The following CDH20 variants were observed in gnomAD, a reference collection of about 807,000 sequenced individuals.
CDH20 encodes the protein cadherin 20, also known as cadherin-20.
CDH20 carries 29 observed loss-of-function variants against 74.2 expected under a neutral mutation model. The ratio of observed to expected loss-of-function variants is 0.39; its 90% CI spans 0.29 to 0.53. CDH20 has a LOEUF of 0.53. CDH20 is among the 20% of genes least tolerant of loss of function. The pLI is 0.69. For synonymous variants in CDH20, 469 were observed against 405.4 expected, an observed-to-expected ratio of 1.16 and a Z score of -1.88; for missense variants, 988 against 1,048.3, an observed-to-expected ratio of 0.94 and a Z score of 0.79.
At chr18:61,535,765 G>A (rs1410374503) in intron 7 of CDH20, among the ~76,000 whole-genome samples, 2 of 152,164 alleles carry the variant, frequency 1.3e-5, no homozygotes, top group Non-Finnish European at 2.9e-5. Flanking sequence ...TTGCTCGAAC[G>A]CAAAGATCCA....
rs1913576094 is a variant in CDH20 at position 61,554,828 on chromosome 18, C to A, written c.*133C>A. 1.8e-5 allele frequency: 25 copies of A among 1,426,544 alleles called. No homozygotes were observed. The highest frequency in any genetic ancestry group is 2.2e-5 in the Non-Finnish European group (24 of 1,093,290). 88.4% of individuals were successfully genotyped at this position (1,426,544 alleles called of 1,614,324 possible). On this transcript the variant is annotated 3_prime_UTR_variant, in exon 12 of 12. Coordinates refer to ENST00000262717, the MANE Select transcript of CDH20 (RefSeq NM_031891.4). ...TGGGGGTGAGCAGGCGAACAGAGCT[C>A]TCTCTGGATCAGCTTTACTTGGGTA... is the stretch of plus-strand genomic sequence containing the variant.
chr18:61,429,407 T>G (rs1285698451), intron 1 of CDH20, among the ~76,000 whole-genome samples: 2 of 152,184 alleles, frequency 1.3e-5, no homozygotes. Context: ...GGCTTTAGAA[T>G]GAGATTGTTT....
chr18:61,467,332 A>C (rs1909996759), intron 1 of CDH20, among the ~76,000 whole-genome samples: 1 of 152,096 alleles, frequency 6.6e-6, no homozygotes, highest in Non-Finnish European at 1.5e-5. Context: ...GACAATTTCC[A>C]CATCATCACA....
intron 1 of CDH20, among the ~76,000 whole-genome samples, chr18:61,442,118 G>C (rs1457922835): frequency 1.3e-5 from 2 of 152,072 alleles, no homozygotes; most frequent in Non-Finnish European, 2.9e-5. Flanking sequence ...CTAGCACTTT[G>C]GGAGGAAGAC....
chr18:61,361,540 TA>T (rs1910695206), intron 1 of CDH20, among the ~76,000 whole-genome samples: 1 of 152,174 alleles, frequency 6.6e-6, no homozygotes, highest in South Asian at 2.1e-4. Flanking sequence ...GAATATTTTT[TA>T]AAAATGCATC....
intron 11 of CDH20, among the ~76,000 whole-genome samples, chr18:61,552,892 C>T (rs949884422): frequency 2.0e-5 from 3 of 152,186 alleles, no homozygotes; most frequent in African/African-American, 4.8e-5. Flanking sequence ...CTTTCAGGCT[C>T]GATTCAAGCC....
intron 1 of CDH20, chr18:61,404,974 T>C: frequency 2.8e-6 from 2 of 710,622 alleles, no homozygotes; most frequent in East Asian, 2.7e-5. Context: ...AGTTCAATAT[T>C]ATTGCCACTG....
intron 1 of CDH20, among the ~76,000 whole-genome samples, chr18:61,442,967 TGAGTGAAAGA>T (rs1242409116): frequency 8.5e-4 from 130 of 152,202 alleles, no homozygotes; most frequent in African/African-American, 3.1e-3. Context: ...GATTTTGCTG[TGAGTGAAAGA>T]GCGTACGCAT....
At position 61,527,746 on chromosome 18, in the gene CDH20, T is replaced by A. The variant is rs573458868; in HGVS notation, c.1018-221T>A. 2.0e-5 allele frequency among the ~76,000 whole-genome samples: 3 copies of A among 152,328 alleles called. No individual in the cohort carries two copies. In the South Asian group the frequency reaches 6.2e-4, roughly 32 times the overall value. On this transcript the variant is annotated intron_variant, in intron 6 of 11. Transcript: ENST00000262717. ...CTTCCTTAACTATCTCTGCAGTGAC[T>A]GATATCTTATCTTCTTTACCCAAAG...
rs1599117240 is a variant in CDH20 at position 61,485,239 on chromosome 18, T to C, written c.-152-5163T>C. On this transcript the variant is annotated intron_variant, in intron 1 of 11. Coordinates refer to ENST00000262717, the MANE Select transcript of CDH20 (RefSeq NM_031891.4). ...CGATTCTCCATACACCATCAATGTA[T>C]TAACAGCTTCTCTGAGGAGTGAGGA... Among the ~76,000 whole-genome samples the C allele has an allele frequency of 2.0e-5, 3 of 152,252 alleles. No homozygotes were observed. The South Asian group carries it at 6.2e-4, about 31-fold the overall frequency.
At chr18:61,440,848 A>C (rs562215614) in intron 1 of CDH20, among the ~76,000 whole-genome samples, 1 of 152,148 alleles carries the variant, frequency 6.6e-6, no homozygotes, top group Non-Finnish European at 1.5e-5. Context: ...GAACTTCTGC[A>C]GGCCAAATCA....
At position 61,518,874 on chromosome 18, in the gene CDH20, A is replaced by G. The variant is rs151165402; in HGVS notation, c.1018-9093A>G. 3.4e-3 allele frequency among the ~76,000 whole-genome samples: 512 copies of G among 151,440 alleles called. 31 individuals are homozygous for G. The highest frequency in any genetic ancestry group is 0.012 in the African/African-American group (478 of 40,830). On this transcript the variant is annotated intron_variant, in intron 6 of 11. Transcript: ENST00000262717. ...AATGCAAGGAAGCTAAGAACCTTGA[A>G]AAAACATTAGAGGAATTGCTAACTA...
At chr18:61,551,723 C>T (rs1205384321) in intron 11 of CDH20, among the ~76,000 whole-genome samples, 1 of 152,128 alleles carries the variant, frequency 6.6e-6, no homozygotes, top group Admixed American at 6.5e-5. Context: ...AGTCCTTTAG[C>T]ACAGAAGTGG....
chr18:61,408,333 A>T (rs1307578574), intron 1 of CDH20, among the ~76,000 whole-genome samples: 1 of 152,188 alleles, frequency 6.6e-6, no homozygotes, highest in Non-Finnish European at 1.5e-5. Context: ...GAATTGAAGG[A>T]CAAAGGTAGT....
intron 7 of CDH20, 54 bp downstream of exon 7, chr18:61,528,274 G>C: frequency 6.4e-7 from 1 of 1,559,084 alleles, no homozygotes; most frequent in South Asian, 1.2e-5. Context: ...CCCTTCCCTT[G>C]TATGTAATTT....
In CDH20 at chr18:61,500,520, C is replaced by A. The variant is rs559286826; in HGVS notation, c.661+18C>A. The A allele has an allele frequency of 5.0e-6, 8 of 1,601,258 alleles. No individual in the cohort carries two copies. Among genetic ancestry groups the A allele is most frequent in the South Asian group, 1.1e-5 (1 of 88,394 alleles). On this transcript the variant is annotated intron_variant, in intron 4 of 11. Transcript: ENST00000262717. ...TAAAACAGGTATCTGATACAAGGGT[C>A]GAGTCAGAGGTGTTTATTCCCTGAT... is the stretch of plus-strand genomic sequence containing the variant.
At chr18:61,514,262 G>T (rs1337572565) in intron 6 of CDH20, among the ~76,000 whole-genome samples, 1 of 143,572 alleles carries the variant, frequency 7.0e-6, no homozygotes, top group Non-Finnish European at 1.5e-5. Flanking sequence ...ATCTTCCATT[G>T]CTGATACCCT....
chr18:61,498,853 C>T (rs1236340389), intron 2 of CDH20, among the ~76,000 whole-genome samples: 1 of 152,038 alleles, frequency 6.6e-6, no homozygotes, highest in East Asian at 1.9e-4. Context: ...GGCAGGAATC[C>T]TCCTTATTAA....
intron 1 of CDH20, among the ~76,000 whole-genome samples, chr18:61,415,506 C>G (rs1476021710): frequency 6.6e-6 from 1 of 152,032 alleles, no homozygotes; most frequent in Non-Finnish European, 1.5e-5. Context: ...ATGAAAATAC[C>G]ATATTTTCTT....
Sources: gnomAD v4.1 joint callset for allele counts (sites outside exome capture counted in the v4.1 genomes callset) on GRCh38, gnomAD v4.1.1 for gene constraint, MANE v1.5 for transcripts, NCBI Gene and HGNC (gene_info 2026-07-23, HGNC 2026-07-21) for gene names.